Variants in PSMD3 observed in about 807,000 individuals in gnomAD.
PSMD3 encodes the protein proteasome 26S subunit, non-ATPase 3.
In PSMD3, 5 loss-of-function variants were observed where a neutral mutation model predicts 62.8. The ratio of observed to expected loss-of-function variants is 0.08; its 90% confidence interval spans 0.04 to 0.17. The LOEUF (loss-of-function observed/expected upper bound fraction) is 0.17. Ranked by LOEUF, PSMD3 falls within the 10% of genes least tolerant of loss-of-function variation. The probability of loss-of-function intolerance (pLI) is 1.00; values close to 1 mark genes in which losing one functional copy is unlikely to be tolerated. For missense variants in PSMD3, 524 were observed against 713.6 expected, an observed-to-expected ratio of 0.73 and a Z score of 3.03; for synonymous variants, 265 against 283.9, an observed-to-expected ratio of 0.93 and a Z score of 0.67.
At position 39,994,447 on chromosome 17, in the gene PSMD3, GGATACTCT is replaced by G. The variant is rs777186101; in HGVS notation, c.982-505_982-498del. The G allele has an allele frequency of 1.4e-4, 24 of 168,270 alleles. 1 individual carries two copies. Among genetic ancestry groups the G allele is most frequent in the Admixed American group, 8.8e-4 (16 of 18,248 alleles). 10.4% of individuals were successfully genotyped at this position (168,270 alleles called of 1,614,324 possible). ...GGTTTCCAGTTACCCTTCTATGTCT[GGATACTCT>G]GCTCATTCACTGAAGCCAGGCCCCT... On this transcript the variant is annotated intron_variant, in intron 6 of 11. Coordinates refer to ENST00000264639, the MANE Select transcript of PSMD3 (RefSeq NM_002809.4).
In PSMD3 at chr17:39,980,835, C is replaced by A; in HGVS notation, c.-136C>A. 2.5e-6 allele frequency: 2 copies of A among 801,944 alleles called. No individual in the cohort carries two copies. Among genetic ancestry groups the A allele is most frequent in the South Asian group, 1.9e-5 (1 of 52,456 alleles). The allele number at this position is 801,944 out of a possible 1,614,324, so 49.7% of individuals were successfully genotyped here. A position where few individuals can be genotyped will look rare whatever the true frequency, so the allele number is the denominator to read the frequency against. On this transcript the variant is annotated 5_prime_UTR_variant, in exon 1 of 12. Transcript: ENST00000264639. ...AGGCCCAGCGCCGGGAAGGGGTTTG[C>A]AGCTGCTCCGTCATCGTGCGGCCCG... is the stretch of plus-strand genomic sequence containing the variant.
At chr17:39,991,388 T>C (rs1980652059) in intron 6 of PSMD3, among the ~76,000 whole-genome samples, 1 of 152,220 alleles carries the variant, frequency 6.6e-6, no homozygotes, top group Non-Finnish European at 1.5e-5. Context: ...ACTCCTGACC[T>C]CAAGTGATCC....
chr17:39,983,458 A>G (rs889582757), intron 1 of PSMD3, among the ~76,000 whole-genome samples: 9 of 152,124 alleles, frequency 5.9e-5, no homozygotes, highest in African/African-American at 2.2e-4. Context: ...GTTCGTCTCC[A>G]TTTTTGTTTT....
intron 3 of PSMD3, among the ~76,000 whole-genome samples, chr17:39,987,594 G>A (rs1980555390): frequency 6.6e-6 from 1 of 152,016 alleles, no homozygotes; most frequent in Admixed American, 6.6e-5. Context: ...GTGATTTCCT[G>A]GGCTCAGCCT....
At chr17:39,982,767 A>G (rs945906532) in intron 1 of PSMD3, among the ~76,000 whole-genome samples, 6 of 152,230 alleles carry the variant, frequency 3.9e-5, no homozygotes, top group Non-Finnish European at 8.8e-5. Context: ...TGCCTAAGAA[A>G]CTACTCATTG....
intron 10 of PSMD3, 35 bp from the exon 11 acceptor site, chr17:39,997,295 T>A: frequency 6.2e-7 from 1 of 1,609,264 alleles, no homozygotes; most frequent in Non-Finnish European, 8.5e-7. Context: ...CCTGCTTCCT[T>A]CCCTCGCTCA....
intron 2 of PSMD3, among the ~76,000 whole-genome samples, chr17:39,985,334 C>T (rs868228454): frequency 6.6e-6 from 1 of 152,220 alleles, no homozygotes; most frequent in Non-Finnish European, 1.5e-5. Flanking sequence ...CTTCATTTTG[C>T]TGTGCCTCGT....
In PSMD3 at chr17:39,995,424, G is replaced by C; in HGVS notation, c.1217G>C (p.Gly406Ala). ...IRLRHNVIKTGVRMISLSYSR... is the reference protein window; with the variant it reads ...IRLRHNVIKTAVRMISLSYSR... ...ACCCCATCGCTCCTTCCTCTCCCAGGTGTACGCATGATCAGCCTCTCCTAT... is the reference window on the plus strand; with the variant it reads ...ACCCCATCGCTCCTTCCTCTCCCAGCTGTACGCATGATCAGCCTCTCCTAT... Residue 406 changes from glycine to alanine, a missense_variant and splice_region_variant, in exon 9 of 12, where the codon GGT (glycine) becomes GCT (alanine). By Grantham distance (60) the Gly-to-Ala change is moderately conservative. This residue lies in a region of PSMD3 where 32 missense variants were observed against 85.4 expected (regional missense o/e 0.37). Coordinates refer to ENST00000264639, the MANE Select transcript of PSMD3 (RefSeq NM_002809.4). This position sits in a 1 kb window ranked among gnomAD's most constrained non-coding sequence, Gnocchi z 4.1. The C allele has an allele frequency of 6.2e-7, 1 of 1,613,752 alleles. No homozygotes were observed. Among genetic ancestry groups the C allele is most frequent in the Non-Finnish European group, 8.5e-7 (1 of 1,179,648 alleles).
intron 3 of PSMD3, among the ~76,000 whole-genome samples, chr17:39,987,402 G>A (rs1980551947): frequency 6.6e-6 from 1 of 152,172 alleles, no homozygotes; most frequent in South Asian, 2.1e-4. Flanking sequence ...TGCCCATGCT[G>A]GAGGGCAGTG....
In PSMD3 at chr17:39,981,169, C is replaced by G; in HGVS notation, c.199C>G (p.Leu67Val). The G allele has an allele frequency of 6.4e-7, 1 of 1,550,890 alleles. No individual in the cohort carries two copies. Among genetic ancestry groups the G allele is most frequent in the Non-Finnish European group, 8.7e-7 (1 of 1,146,834 alleles). The change falls in exon 1 of 12, where the codon CTG (leucine) becomes GTG (valine). Residue 67 changes from leucine (L) to valine (V), a missense_variant. Coordinates refer to ENST00000264639, the MANE Select transcript of PSMD3 (RefSeq NM_002809.4). ...AGCGGCTGAGCACTCCCAGCGAGAG[C>G]TGGACACAGTCACCTTGGAGGGTAC... The part of the protein sequence containing the change: ...AAAAEHSQRE[L>V]DTVTLEDIKE...
At chr17:39,983,219 G>A (rs2144806931) in intron 1 of PSMD3, among the ~76,000 whole-genome samples, 2 of 152,152 alleles carry the variant, frequency 1.3e-5, no homozygotes, top group African/African-American at 4.8e-5. Context: ...TTTTAGTAGA[G>A]ACTGGGTTTC....
At chr17:39,994,658 C>T in intron 6 of PSMD3, 3 of 414,332 alleles carry the variant, frequency 7.2e-6, no homozygotes, top group Admixed American at 7.2e-5. Context: ...TCTGGCCTCA[C>T]TTTAGAGCAC....
rs1304501412 is a variant in PSMD3, at chr17:39,994,936, C to T, written c.982-18C>T. 1 of 1,610,352 alleles carries T rather than the reference C, an allele frequency of 6.2e-7. No individual in the cohort carries two copies. Among genetic ancestry groups the T allele is most frequent in the African/African-American group, 1.3e-5 (1 of 74,934 alleles). ...ATGGGGCTCCCTGCCCACTGTGTTC[C>T]CCTGTCACTCTGTCCAGGTGCACAA... On this transcript the variant is annotated intron_variant, in intron 6 of 11. Transcript: ENST00000264639.
intron 10 of PSMD3, among the ~76,000 whole-genome samples, chr17:39,997,050 C>T (rs1000235500): frequency 6.6e-6 from 1 of 152,204 alleles, no homozygotes; most frequent in African/African-American, 2.4e-5. Flanking sequence ...AATCCTCCAC[C>T]GGGAAGGCCT....
chr17:39,994,403 G>A lies in PSMD3; in HGVS notation c.982-551G>A, dbSNP rs73301225. On this transcript the variant is annotated intron_variant, in intron 6 of 11. Transcript: ENST00000264639. ...CCACTCGGAAATACTTCACAGTCCTGTAGAGGAAGACAGGTCCAGGTTTCC... is the reference window on the plus strand; with the variant it reads ...CCACTCGGAAATACTTCACAGTCCTATAGAGGAAGACAGGTCCAGGTTTCC... The A allele has an allele frequency of 4.5e-3, 732 of 161,218 alleles. 5 individuals are homozygous for A. Among genetic ancestry groups the A allele is most frequent in the African/African-American group, 0.016 (686 of 41,672 alleles). 10.0% of individuals were successfully genotyped at this position (161,218 alleles called of 1,614,324 possible).
At chr17:39,987,796 A>C (rs180914895) in intron 3 of PSMD3, among the ~76,000 whole-genome samples, 1 of 152,146 alleles carries the variant, frequency 6.6e-6, no homozygotes, top group East Asian at 1.9e-4. Context: ...TGTTTTTGAG[A>C]TATAATTCAC....
At chr17:39,988,868 G>C (rs781742414) in intron 4 of PSMD3, 49 bp downstream of exon 4, 1 of 1,599,954 alleles carries the variant, frequency 6.3e-7, no homozygotes, top group South Asian at 1.1e-5. Flanking sequence ...TCAGAGACTT[G>C]GTCAGTCACA....
Position 39,996,228 on chromosome 17 carries a change from G to T in PSMD3, c.1366G>T (p.Gly456Cys). 2 of 1,613,994 alleles carry T rather than the reference G, an allele frequency of 1.2e-6. No homozygotes were observed. The highest frequency in any genetic ancestry group is 1.7e-6 in the Non-Finnish European group (2 of 1,180,002). ...VIEASINHEK[G>C]YVQSKEMIDI... Reference sequence around the variant, plus strand: ...TGAGGCCAGCATCAACCACGAGAAGGGCTATGTCCAATCCAAGGAGATGAT... The same window carrying T: ...TGAGGCCAGCATCAACCACGAGAAGTGCTATGTCCAATCCAAGGAGATGAT... The change falls in exon 10 of 12, where the codon GGC becomes TGC. Residue 456 changes from glycine to cysteine, a missense_variant. Transcript: ENST00000264639. This position sits in a 1 kb window ranked among gnomAD's most constrained non-coding sequence, Gnocchi z 5.1.
rs559300951 is a variant in PSMD3 at position 39,987,294 on chromosome 17, T to G, written c.549+582T>G. On this transcript the variant is annotated intron_variant, in intron 3 of 11. Transcript: ENST00000264639. Reference sequence around the variant, plus strand: ...CACAGGAGCACACTCAGGAAGTAAGTCGCACTCCTTAATTCCCTGGTTTGT... The same window carrying G: ...CACAGGAGCACACTCAGGAAGTAAGGCGCACTCCTTAATTCCCTGGTTTGT... Among the ~76,000 whole-genome samples the G allele has an allele frequency of 2.0e-5, 3 of 152,190 alleles. No individual in the cohort carries two copies. In the South Asian group the frequency reaches 6.2e-4, roughly 32 times the overall value.
Sources: gnomAD v4.1 joint callset for allele counts (sites outside exome capture counted in the v4.1 genomes callset) on GRCh38, gnomAD v4.1.1 for gene constraint, gnomAD v4.1.1 regional missense constraint, Gnocchi (gnomAD v3.1) non-coding constraint, MANE v1.5 for transcripts, NCBI Gene and HGNC (gene_info 2026-07-23, HGNC 2026-07-21) for gene names.